WDR27: variants seen among roughly 807,000 people sequenced by gnomAD.
The protein encoded by WDR27 is WD repeat-containing protein 27.
A neutral mutation model predicts 114.4 loss-of-function variants in WDR27; 100 were observed. The observed-to-expected ratio is 0.87, with a 90% CI of 0.74 to 1.03. The LOEUF is 1.03. Among genes scored for constraint, WDR27 ranks in the 50% least tolerant of loss-of-function variants. WDR27 has a pLI of 0.00. For synonymous variants in WDR27, 449 were observed against 423.1 expected (o/e 1.06, Z -0.75); for missense variants, 1,129 against 1,092.9 (o/e 1.03, Z -0.47).
chr6:169,486,823 G>C (rs1278219267), intron 25 of WDR27, among the ~76,000 whole-genome samples: 4 of 152,140 alleles, frequency 2.6e-5, no homozygotes, highest in Non-Finnish European at 5.9e-5. Context: ...CCTTTTCCTC[G>C]ATGTTTTCAC....
At chr6:169,457,725 C>T in intron 25 of WDR27, 91 bp from the exon 26 acceptor site, 1 of 988,550 alleles carries the variant, frequency 1.0e-6, no homozygotes, top group Non-Finnish European at 1.5e-6. Context: ...GTGTTATTTT[C>T]CTTATTTTTA....
Position 169,507,011 on chromosome 6 carries a change from T to C in WDR27, c.2646-49377A>G, listed in dbSNP as rs1426721593. Among the ~76,000 whole-genome samples, 4 of 152,240 alleles carry C rather than the reference T, an allele frequency of 2.6e-5. No homozygotes were observed. The South Asian group carries it at 6.2e-4, about 24-fold the overall frequency. On this transcript the variant is annotated intron_variant, in intron 25 of 25. Transcript: ENST00000448612. ...GATTAGAATTTAATCCAAACAACAC[T>C]TGACATTCTAATGGCATAAAATGAA... is the stretch of plus-strand genomic sequence containing the variant.
chr6:169,651,341 G>A (rs1379635856), intron 14 of WDR27, among the ~76,000 whole-genome samples: 1 of 152,030 alleles, frequency 6.6e-6, no homozygotes, highest in African/African-American at 2.4e-5. Flanking sequence ...GACATAAAAA[G>A]TCAAGAGGTG....
chr6:169,442,810 G>T, the WDR27 span, among the ~76,000 whole-genome samples: 4 of 152,166 alleles, frequency 2.6e-5, no homozygotes, highest in African/African-American at 9.7e-5. Context: ...GATGCAGGAC[G>T]ACTGAGCCTG....
chr6:169,648,862 C>T lies in WDR27; in HGVS notation c.1559+336G>A, dbSNP rs553117998. On this transcript the variant is annotated intron_variant, in intron 15 of 25. Transcript: ENST00000448612. ...GTGGGCCACGCCCACTCAGAATGAG[C>T]ACCTGGCACTACAACGGCCCCAACA... Among the ~76,000 whole-genome samples, 396 of 152,358 alleles carry T rather than the reference C, an allele frequency of 2.6e-3. 2 individuals are homozygous for T. The highest frequency in any genetic ancestry group is 9.2e-3 in the African/African-American group (381 of 41,592).
chr6:169,534,769 T>C (rs1399312156), intron 25 of WDR27, among the ~76,000 whole-genome samples: 1 of 151,844 alleles, frequency 6.6e-6, no homozygotes, highest in Non-Finnish European at 1.5e-5. Context: ...GTAATTTGAG[T>C]CTTCTCTTTT....
chr6:169,683,347 G>A (rs1782027467), intron 2 of WDR27, among the ~76,000 whole-genome samples: 1 of 152,136 alleles, frequency 6.6e-6, no homozygotes, highest in Non-Finnish European at 1.5e-5. Context: ...GACCCAACAT[G>A]CCTGGCAGCA....
At chr6:169,651,827 A>T in intron 14 of WDR27, 103 bp downstream of exon 14, 1 of 1,018,246 alleles carries the variant, frequency 9.8e-7, no homozygotes, top group South Asian at 1.5e-5. Context: ...TCCTCTCTCC[A>T]TACTGTGGCC....
chr6:169,532,493 T>C (rs556925562), intron 25 of WDR27, among the ~76,000 whole-genome samples: 16 of 152,264 alleles, frequency 1.1e-4, no homozygotes, highest in Admixed American at 3.9e-4. Context: ...ATCCATAACT[T>C]GAACAGAGCA....
At chr6:169,697,617 A>C (rs977694430) in intron 1 of WDR27, among the ~76,000 whole-genome samples, 2 of 152,190 alleles carry the variant, frequency 1.3e-5, no homozygotes, top group Non-Finnish European at 2.9e-5. Flanking sequence ...TGCCTTCTAG[A>C]TAGCAGTAGC....
chr6:169,681,873 C>T (rs753500200), intron 2 of WDR27, among the ~76,000 whole-genome samples: 75 of 152,216 alleles, frequency 4.9e-4, no homozygotes, highest in Middle Eastern at 6.8e-3. Context: ...GGGAACTATC[C>T]CATCTGTGCT....
In WDR27 at chr6:169,662,385, C is replaced by T. The variant is rs117912086; in HGVS notation, c.944G>A (p.Gly315Glu). 1.0e-3 allele frequency: 1,686 copies of T among 1,614,022 alleles called. 17 individuals are homozygous for T. The East Asian group carries it at 0.023, about 22-fold the overall frequency. Residue 315 changes from glycine (G) to glutamate (E), a missense_variant, in exon 9 of 26, where the codon GGA becomes GAA. Gly to Glu is a moderately conservative substitution (Grantham distance 98). Coordinates refer to ENST00000448612, the MANE Select transcript of WDR27 (RefSeq NM_182552.5). Reference protein sequence around the residue: ...QLPSTSALGKGEQVEVTFPVL... With the variant: ...QLPSTSALGKEEQVEVTFPVL... ...AGGAAATGTTACTTCAACCTGCTCT[C>T]CTTTTCCCAGAGCACTTGTAGAGGG...
At chr6:169,503,621 A>C in intron 25 of WDR27, among the ~76,000 whole-genome samples, 1 of 152,164 alleles carries the variant, frequency 6.6e-6, no homozygotes, top group East Asian at 1.9e-4. Context: ...AAACATATAA[A>C]AACTTAAATG....
chr6:169,657,086 C>A (rs985161746), intron 13 of WDR27, among the ~76,000 whole-genome samples: 1 of 152,092 alleles, frequency 6.6e-6, no homozygotes, highest in Non-Finnish European at 1.5e-5. Context: ...GGAAACAGGG[C>A]GGAGGAATGG....
chr6:169,493,290 A>G (rs1789997458), intron 25 of WDR27, among the ~76,000 whole-genome samples: 1 of 152,096 alleles, frequency 6.6e-6, no homozygotes, highest in African/African-American at 2.4e-5. Flanking sequence ...AATGCAAAAT[A>G]ATAATAAAAA....
intron 25 of WDR27, among the ~76,000 whole-genome samples, chr6:169,465,379 TA>T (rs952819040): frequency 2.0e-5 from 3 of 151,824 alleles, no homozygotes; most frequent in Admixed American, 1.3e-4. Context: ...ACATGACTAT[TA>T]AAAAAACAAA....
chr6:169,669,219 T>G (rs1828705341), intron 4 of WDR27, among the ~76,000 whole-genome samples: 2 of 152,372 alleles, frequency 1.3e-5, no homozygotes, highest in Admixed American at 6.5e-5. Context: ...ACTGTTGACT[T>G]GTTGAGTATG....
At chr6:169,464,930 C>T (rs918773989) in intron 25 of WDR27, among the ~76,000 whole-genome samples, 3 of 152,146 alleles carry the variant, frequency 2.0e-5, no homozygotes, top group African/African-American at 7.2e-5. Context: ...CAAGACCAGC[C>T]TGACCAACAT....
chr6:169,625,110 G>A (rs796722221), intron 21 of WDR27, among the ~76,000 whole-genome samples: 27 of 152,314 alleles, frequency 1.8e-4, no homozygotes, highest in African/African-American at 4.8e-4. Flanking sequence ...GAGTGTCCGC[G>A]CCAGCAGCAG....
Sources: gnomAD v4.1 joint callset for allele counts (sites outside exome capture counted in the v4.1 genomes callset) on GRCh38, gnomAD v4.1.1 for gene constraint, MANE v1.5 for transcripts, NCBI Gene and HGNC (gene_info 2026-07-23, HGNC 2026-07-21) for gene names.